Variants in DPP10 observed in about 807,000 individuals in gnomAD.
DPP10 encodes inactive dipeptidyl peptidase 10.
A neutral mutation model predicts 120.9 loss-of-function variants in DPP10; 33 were observed. That is an observed-to-expected ratio of 0.27 (90% CI 0.21 to 0.37). The LOEUF is 0.37. Among genes scored for constraint, DPP10 ranks in the 10% least tolerant of loss-of-function variants. The probability of loss-of-function intolerance (pLI) is 1.00; values close to 1 mark genes in which losing one functional copy is unlikely to be tolerated. For missense variants in DPP10, 816 were observed against 942.8 expected (o/e 0.87, Z 1.76); for synonymous variants, 337 against 326.1 (o/e 1.03, Z -0.36).
chr2:114,747,564 G>C (rs756699571), intron 1 of DPP10, among the ~76,000 whole-genome samples: 19 of 152,164 alleles, frequency 1.2e-4, no homozygotes, highest in Non-Finnish European at 2.8e-4. Flanking sequence ...AAAAATGTAT[G>C]AGCACAGTTT....
chr2:115,319,839 A>G (rs1322803058), intron 2 of DPP10, among the ~76,000 whole-genome samples: 2 of 152,178 alleles, frequency 1.3e-5, no homozygotes, highest in Non-Finnish European at 2.9e-5. Flanking sequence ...TCCAGAGGGA[A>G]GGAACACTGC....
At chr2:114,827,777 G>T (rs1686697006) in intron 1 of DPP10, among the ~76,000 whole-genome samples, 1 of 152,194 alleles carries the variant, frequency 6.6e-6, no homozygotes. Flanking sequence ...GTACAACTGA[G>T]AATTTTGTGA....
chr2:115,514,276 A>T (rs2077385821), intron 4 of DPP10, among the ~76,000 whole-genome samples: 1 of 151,732 alleles, frequency 6.6e-6, no homozygotes, highest in Non-Finnish European at 1.5e-5. Context: ...GAAACTTGGA[A>T]TTTTTTGAAC....
intron 1 of DPP10, among the ~76,000 whole-genome samples, chr2:114,781,610 A>G (rs1682332777): frequency 2.0e-5 from 3 of 152,144 alleles, no homozygotes; most frequent in South Asian, 2.1e-4. Flanking sequence ...TTATGCTATG[A>G]AAAGCCCCCT....
rs1695157494 is a variant in DPP10, at chr2:114,921,013, C to A, written c.61-388226C>A. Among the ~76,000 whole-genome samples, 9 of 152,180 alleles carry A rather than the reference C, an allele frequency of 5.9e-5. No homozygotes were observed. The South Asian group carries it at 1.9e-3, about 32-fold the overall frequency. ...TCAAATTTATCTGCTTGAGAATGAACCAGCATTAATGAATTCTTTCTTTTA... is the reference window on the plus strand; with the variant it reads ...TCAAATTTATCTGCTTGAGAATGAAACAGCATTAATGAATTCTTTCTTTTA... On this transcript the variant is annotated intron_variant, in intron 1 of 25. Coordinates refer to ENST00000410059, the MANE Select transcript of DPP10 (RefSeq NM_020868.6).
intron 7 of DPP10, among the ~76,000 whole-genome samples, chr2:115,710,149 G>T (rs1404481027): frequency 6.6e-6 from 1 of 151,888 alleles, no homozygotes; most frequent in African/African-American, 2.4e-5. Context: ...GAAAAATAAG[G>T]GACCCACACT....
intron 1 of DPP10, among the ~76,000 whole-genome samples, chr2:114,698,198 C>T (rs956560399): frequency 2.6e-5 from 4 of 152,012 alleles, no homozygotes; most frequent in African/African-American, 9.7e-5. Flanking sequence ...ATATAAAACA[C>T]TCATAGTTAC....
intron 5 of DPP10, among the ~76,000 whole-genome samples, chr2:115,576,971 A>T (rs940898305): frequency 6.6e-6 from 1 of 152,230 alleles, no homozygotes; most frequent in African/African-American, 2.4e-5. Flanking sequence ...CTGGGACAAA[A>T]TGAATGCCAC....
At chr2:115,476,912 T>A (rs61152775) in intron 3 of DPP10, among the ~76,000 whole-genome samples, 4,480 of 149,412 alleles carry the variant, frequency 0.03, 222 homozygotes, top group African/African-American at 0.1. Context: ...AAGATAAAAA[T>A]TACATGATCA....
chr2:114,734,086 A>G (rs1677191744), intron 1 of DPP10, among the ~76,000 whole-genome samples: 1 of 152,194 alleles, frequency 6.6e-6, no homozygotes, highest in African/African-American at 2.4e-5. Flanking sequence ...GCATAACACT[A>G]TGAGACAAGG....
At chr2:114,906,382 C>CAA (rs1184226315) in intron 1 of DPP10, among the ~76,000 whole-genome samples, 10 of 112,174 alleles carry the variant, frequency 8.9e-5, no homozygotes, top group East Asian at 2.6e-4. Flanking sequence ...AGTTCTATCT[C>CAA]AAAAAAAAAA....
At chr2:115,322,519 T>C (rs1364789327) in intron 2 of DPP10, among the ~76,000 whole-genome samples, 1 of 152,218 alleles carries the variant, frequency 6.6e-6, no homozygotes, top group Non-Finnish European at 1.5e-5. Flanking sequence ...AACTCTACCT[T>C]AATCTTTACT....
intron 1 of DPP10, among the ~76,000 whole-genome samples, chr2:115,185,506 A>C (rs911066586): frequency 6.6e-6 from 1 of 152,166 alleles, no homozygotes; most frequent in African/African-American, 2.4e-5. Flanking sequence ...CATTTTACCA[A>C]ATGTCCTAAA....
At chr2:114,668,767 CCTTT>C (rs1208434193) in intron 1 of DPP10, among the ~76,000 whole-genome samples, 1 of 151,844 alleles carries the variant, frequency 6.6e-6, no homozygotes, top group Non-Finnish European at 1.5e-5. Context: ...CTTTGCTGAC[CCTTT>C]CTTTCTCTGT....
chr2:115,521,825 CTTTCAG>C (rs2077829655), intron 4 of DPP10, among the ~76,000 whole-genome samples: 1 of 152,128 alleles, frequency 6.6e-6, no homozygotes, highest in Non-Finnish European at 1.5e-5. Flanking sequence ...TCTTTCTTGG[CTTTCAG>C]TTTTACCACT....
At chr2:114,683,526 CCCTT>C (rs967468495) in intron 1 of DPP10, among the ~76,000 whole-genome samples, 5 of 143,444 alleles carry the variant, frequency 3.5e-5, no homozygotes, top group East Asian at 2.0e-4. Context: ...CCTTCCCTCT[CCCTT>C]CCTTCCTTCC....
chr2:114,500,486 A>G (rs10496465), intron 1 of DPP10, among the ~76,000 whole-genome samples: 18,275 of 152,234 alleles, frequency 0.12, 1,285 homozygotes, highest in Middle Eastern at 0.23. Flanking sequence ...GCATTATACC[A>G]AAGTGTTAGA....
chr2:114,528,769 G>A (rs1468764567), intron 1 of DPP10, among the ~76,000 whole-genome samples: 1 of 151,722 alleles, frequency 6.6e-6, no homozygotes, highest in Non-Finnish European at 1.5e-5. Flanking sequence ...CAGAGTATCA[G>A]TATAAATCTC....
chr2:114,534,648 G>A (rs1362646415), intron 1 of DPP10, among the ~76,000 whole-genome samples: 1 of 151,734 alleles, frequency 6.6e-6, no homozygotes, highest in Non-Finnish European at 1.5e-5. Context: ...TTTTCAGTAT[G>A]GTGCCCACAC....
Sources: allele counts gnomAD v4.1 joint callset (sites outside exome capture counted in the v4.1 genomes callset), GRCh38; gene constraint gnomAD v4.1.1; transcripts MANE v1.5; gene names NCBI Gene and HGNC (gene_info 2026-07-23, HGNC 2026-07-21).